Variants in PIK3CB observed in about 807,000 individuals in gnomAD.
The protein encoded by PIK3CB is phosphatidylinositol 4,5-bisphosphate 3-kinase catalytic subunit beta isoform.
PIK3CB carries 39 observed loss-of-function variants against 136.8 expected under a neutral mutation model. That is an observed-to-expected ratio of 0.29 (90% confidence interval 0.22 to 0.37). The LOEUF is 0.37. Ranked by LOEUF, PIK3CB falls within the 10% of genes least tolerant of loss-of-function variation. PIK3CB has a pLI of 1.00. For missense variants in PIK3CB, 868 were observed against 1,275.4 expected, an observed-to-expected ratio of 0.68 and a Z score of 4.87; for synonymous variants, 428 against 436.6, an observed-to-expected ratio of 0.98 and a Z score of 0.25.
intron 21 of PIK3CB, among the ~76,000 whole-genome samples, chr3:138,663,662 G>A (rs113012351): frequency 0.031 from 4,700 of 152,180 alleles, 248 homozygotes; most frequent in African/African-American, 0.11. Flanking sequence ...GATTACAGGC[G>A]TGAGCCACCA....
At chr3:138,738,496 T>C (rs1037024702) in intron 5 of PIK3CB, among the ~76,000 whole-genome samples, 4 of 152,266 alleles carry the variant, frequency 2.6e-5, no homozygotes, top group East Asian at 3.9e-4. Context: ...ATTTTGTATA[T>C]ATATTTTTAA....
chr3:138,757,923 G>C lies in PIK3CB; in HGVS notation c.171+1250C>G, dbSNP rs143738534. On this transcript the variant is annotated intron_variant, in intron 3 of 23. Coordinates refer to ENST00000674063, the MANE Select transcript of PIK3CB (RefSeq NM_006219.3). ...CACACTTCTAGGTATATACCCAAAA[G>C]AACTGAAAGCAGGAATTCAAACAGA... Among the ~76,000 whole-genome samples the C allele has an allele frequency of 4.8e-3, 725 of 152,192 alleles. 5 individuals are homozygous for C. The highest frequency in any genetic ancestry group is 0.016 in the African/African-American group (654 of 41,508).
At chr3:138,722,342 A>G (rs918651519) in intron 8 of PIK3CB, among the ~76,000 whole-genome samples, 1 of 152,104 alleles carries the variant, frequency 6.6e-6, no homozygotes, top group Non-Finnish European at 1.5e-5. Context: ...TATATTTTGC[A>G]TCTGTTGTAT....
Position 138,755,957 on chromosome 3 carries a change from T to C in PIK3CB, c.194A>G (p.Asn65Ser), listed in dbSNP as rs747491179. 3.7e-6 allele frequency: 6 copies of C among 1,603,728 alleles called. No homozygotes were observed. In the East Asian group the frequency reaches 8.9e-5, roughly 24 times the overall value. ...IKQMLWKQVH[N>S]YPMFNLLMDI... ...CATAAGGAGGTTGAACATTGGGTAA[T>C]TGTGAACTTGCTTCCATAACATCTA... The change falls in exon 4 of 24, where the codon AAT becomes AGT. Residue 65 changes from asparagine to serine, a missense_variant. Asn to Ser is a conservative substitution (Grantham distance 46, BLOSUM62 1). Transcript: ENST00000674063.
rs750209924 is a variant in PIK3CB at position 138,707,291 on chromosome 3, TA to T, written c.1400-3del. 50 of 1,588,202 alleles carry T rather than the reference TA, an allele frequency of 3.1e-5. No homozygotes were observed. Among genetic ancestry groups the T allele is most frequent in the Admixed American group, 5.7e-5 (3 of 52,676 alleles). ...GATTCAACATTTCTTCGAGTTCATC[TA>T]AAACATGCAAATAATTTTGGTTCTT... On this transcript the variant is annotated splice_region_variant and splice_polypyrimidine_tract_variant and intron_variant, in intron 10 of 23. Coordinates refer to ENST00000674063, the MANE Select transcript of PIK3CB (RefSeq NM_006219.3).
rs893779162 is a variant in PIK3CB, at chr3:138,681,908, T to C, written c.2504+59A>G. On this transcript the variant is annotated intron_variant, in intron 19 of 23. Transcript: ENST00000674063. ...GAGGGAAGGAATTAACAAGAAATTC[T>C]AGATATTTTTGCTATGGGAAGACAT... 6.1e-6 allele frequency: 6 copies of C among 983,054 alleles called. No homozygotes were observed. The Admixed American group carries it at 1.4e-4, about 23-fold the overall frequency. 60.9% of individuals were successfully genotyped at this position (983,054 alleles called of 1,614,324 possible). A position where few individuals can be genotyped will look rare whatever the true frequency, so the allele number is the denominator to read the frequency against.
At chr3:138,728,944 T>C (rs545337957) in intron 8 of PIK3CB, among the ~76,000 whole-genome samples, 1 of 152,184 alleles carries the variant, frequency 6.6e-6, no homozygotes, top group East Asian at 1.9e-4. Context: ...ATATTTAAAG[T>C]TGAAAGACTT....
intron 19 of PIK3CB, among the ~76,000 whole-genome samples, chr3:138,671,479 G>A (rs1434108336): frequency 1.3e-5 from 2 of 152,020 alleles, no homozygotes; most frequent in African/African-American, 4.8e-5. Flanking sequence ...AAGTCCAAAG[G>A]TTTTATAAAT....
At chr3:138,759,437 C>G (rs750477202) in intron 2 of PIK3CB, 78 bp from the exon 3 acceptor site, 124 of 873,758 alleles carry the variant, frequency 1.4e-4, no homozygotes, top group Non-Finnish European at 2.0e-4. Context: ...GACCACTAAT[C>G]TACAATTAGT....
chr3:138,746,696 A>AAAT (rs1222178195), intron 4 of PIK3CB, among the ~76,000 whole-genome samples: 51 of 151,934 alleles, frequency 3.4e-4, no homozygotes, highest in African/African-American at 1.2e-3. Flanking sequence ...AAATAAAAAT[A>AAAT]AATAAAAATA....
intron 5 of PIK3CB, 141 bp from the exon 6 acceptor site, chr3:138,738,027 G>A (rs1379266689): frequency 9.2e-6 from 4 of 436,696 alleles, no homozygotes; most frequent in Non-Finnish European, 1.6e-5. Flanking sequence ...TTATATGGAT[G>A]CATATTTAGA....
In PIK3CB at chr3:138,714,452, G is replaced by T; in HGVS notation, c.1302+16C>A. Reference sequence around the variant, plus strand: ...CCGTTATATAAAACAATCCTCAGAAGTTGGTATATCATTACCACTTTTCCA... The same window carrying T: ...CCGTTATATAAAACAATCCTCAGAATTTGGTATATCATTACCACTTTTCCA... On this transcript the variant is annotated intron_variant, in intron 9 of 23. Transcript: ENST00000674063. 1 of 1,546,290 alleles carries T rather than the reference G, an allele frequency of 6.5e-7. No individual in the cohort carries two copies. The highest frequency in any genetic ancestry group is 2.3e-5 in the East Asian group (1 of 44,374).
intron 2 of PIK3CB, among the ~76,000 whole-genome samples, chr3:138,784,936 G>C (rs986752457): frequency 6.6e-6 from 1 of 151,992 alleles, no homozygotes; most frequent in Non-Finnish European, 1.5e-5. Flanking sequence ...ACCCCGTCTG[G>C]GAGGTGAGGA....
intron 4 of PIK3CB, among the ~76,000 whole-genome samples, chr3:138,747,062 A>G (rs1321500227): frequency 1.4e-4 from 2 of 14,408 alleles, no homozygotes; most frequent in Admixed American, 4.7e-4. Flanking sequence ...CTTTATATAT[A>G]TATATATATA....
At chr3:138,832,756 G>A (rs1441273699) in intron 1 of PIK3CB, among the ~76,000 whole-genome samples, 1 of 151,066 alleles carries the variant, frequency 6.6e-6, no homozygotes, top group Non-Finnish European at 1.5e-5. Flanking sequence ...TTGAACCCGG[G>A]AGGCGGAGGT....
intron 2 of PIK3CB, among the ~76,000 whole-genome samples, chr3:138,781,470 T>C (rs1209912001): frequency 6.6e-6 from 1 of 151,040 alleles, no homozygotes; most frequent in East Asian, 1.9e-4. Flanking sequence ...TTTTTTTTTT[T>C]GAGATGGAGT....
At chr3:138,694,941 G>A (rs367774675) in intron 13 of PIK3CB, 34 bp from the exon 14 acceptor site, 2 of 1,580,390 alleles carry the variant, frequency 1.3e-6, no homozygotes, top group Non-Finnish European at 1.7e-6. Context: ...CAGAAATAAT[G>A]GGGGACAAAA....
intron 14 of PIK3CB, 70 bp from the exon 15 acceptor site, chr3:138,691,213 C>A: frequency 1.4e-6 from 2 of 1,407,102 alleles, no homozygotes; most frequent in Non-Finnish European, 9.9e-7. Flanking sequence ...TGGTATCAAA[C>A]TATCAAATGT....
Position 138,698,894 on chromosome 3 carries a change from G to A in PIK3CB, c.1770+13C>T, listed in dbSNP as rs565589643. On this transcript the variant is annotated intron_variant, in intron 13 of 23. Coordinates refer to ENST00000674063, the MANE Select transcript of PIK3CB (RefSeq NM_006219.3). Reference sequence around the variant, plus strand: ...TACACCCAAAAAAAGTTATAGAAACGATCTTTTGTTACCTGAGCAACATCC... The same window carrying A: ...TACACCCAAAAAAAGTTATAGAAACAATCTTTTGTTACCTGAGCAACATCC... The A allele has an allele frequency of 1.2e-5, 19 of 1,561,198 alleles. No individual in the cohort carries two copies. Among genetic ancestry groups the A allele is most frequent in the Admixed American group, 5.1e-5 (3 of 58,774 alleles).
Sources: allele counts gnomAD v4.1 joint callset (sites outside exome capture counted in the v4.1 genomes callset), GRCh38; gene constraint gnomAD v4.1.1; transcripts MANE v1.5; gene names NCBI Gene and HGNC (gene_info 2026-07-23, HGNC 2026-07-21).